Variants in MUSK observed in about 807,000 individuals in gnomAD.
MUSK encodes the protein muscle, skeletal receptor tyrosine-protein kinase.
A neutral mutation model predicts 88.7 loss-of-function variants in MUSK; 55 were observed. The ratio of observed to expected loss-of-function variants is 0.62; its 90% CI spans 0.50 to 0.78. MUSK has a LOEUF of 0.78. Ranked by LOEUF, MUSK falls within the 30% of genes least tolerant of loss-of-function variation. The pLI, the probability that MUSK is intolerant of heterozygous loss-of-function variation, is 0.00. For synonymous variants in MUSK, 387 were observed against 391.9 expected, an observed-to-expected ratio of 0.99 and a Z score of 0.15; for missense variants, 1,015 against 1,074.3, an observed-to-expected ratio of 0.94 and a Z score of 0.77.
intron 3 of MUSK, among the ~76,000 whole-genome samples, chr9:110,688,026 T>A (rs1004884014): frequency 7.2e-5 from 11 of 152,142 alleles, no homozygotes; most frequent in Non-Finnish European, 1.3e-4. Context: ...CCACTTCATG[T>A]CTACAAGACT....
intron 6 of MUSK, among the ~76,000 whole-genome samples, chr9:110,741,754 C>A (rs2077102322): frequency 6.6e-6 from 1 of 152,118 alleles, no homozygotes; most frequent in East Asian, 1.9e-4. Context: ...ATACAGTACA[C>A]AAACAAATGA....
At chr9:110,799,152 G>A (rs1450151151) in intron 14 of MUSK, among the ~76,000 whole-genome samples, 6 of 152,130 alleles carry the variant, frequency 3.9e-5, no homozygotes, top group South Asian at 4.2e-4. Context: ...TGCTAATTGA[G>A]GTCCTTGGAA....
intron 3 of MUSK, among the ~76,000 whole-genome samples, chr9:110,690,449 T>G: frequency 3.6e-5 from 2 of 55,690 alleles, no homozygotes; most frequent in Non-Finnish European, 2.8e-5. Flanking sequence ...TAAGTATATA[T>G]AAATATATAT....
chr9:110,769,185 AAC>A (rs1398044163), intron 9 of MUSK, among the ~76,000 whole-genome samples: 1 of 152,200 alleles, frequency 6.6e-6, no homozygotes, highest in Non-Finnish European at 1.5e-5. Flanking sequence ...GACAACAACC[AAC>A]ACAGCACATT....
At chr9:110,697,533 A>G in intron 5 of MUSK, 67 bp downstream of exon 5, 1 of 1,518,702 alleles carries the variant, frequency 6.6e-7, no homozygotes, top group South Asian at 1.4e-5. Context: ...TGAAGGCTGC[A>G]CCTGGGCTTG....
intron 5 of MUSK, among the ~76,000 whole-genome samples, chr9:110,727,305 G>T (rs943784157): frequency 1.3e-5 from 2 of 152,002 alleles, no homozygotes; most frequent in Non-Finnish European, 2.9e-5. Flanking sequence ...CTGAAAAGGG[G>T]GTTGAATTTC....
intron 5 of MUSK, chr9:110,706,139 G>A (rs890082884): frequency 1.9e-6 from 1 of 526,160 alleles, no homozygotes; most frequent in Non-Finnish European, 3.9e-6. Flanking sequence ...TTCCTTAGCT[G>A]TCCCCAAATA....
At chr9:110,717,956 C>A (rs980711489) in intron 5 of MUSK, among the ~76,000 whole-genome samples, 1 of 152,028 alleles carries the variant, frequency 6.6e-6, no homozygotes, top group Non-Finnish European at 1.5e-5. Context: ...AAACAATAAA[C>A]GATTATCACT....
At position 110,682,690 on chromosome 9, in the gene MUSK, T is replaced by C; in HGVS notation, c.96T>C (p.Thr32=). Residue 32 remains threonine (T), a synonymous_variant, in exon 2 of 15, where the codon ACT becomes ACC. Coordinates refer to ENST00000374448, the MANE Select transcript of MUSK (RefSeq NM_005592.4). ...TCCTTTCAGCTCCTGTCATCACCAC[T>C]CCTCTTGAAACAGTGGATGCCTTAG... is the stretch of plus-strand genomic sequence containing the variant. The part of the protein sequence containing the change: ...EKLPKAPVIT[T]PLETVDALVE... 6.2e-7 allele frequency: 1 copy of C among 1,612,420 alleles called. No individual in the cohort carries two copies. Among genetic ancestry groups the C allele is most frequent in the Non-Finnish European group, 8.5e-7 (1 of 1,178,862 alleles).
In MUSK at chr9:110,802,538, G is replaced by C. The variant is rs924537157; in HGVS notation, c.*1550G>C. Among the ~76,000 whole-genome samples the C allele has an allele frequency of 1.3e-5, 2 of 152,198 alleles. No homozygotes were observed. The highest frequency in any genetic ancestry group is 1.3e-4 in the Admixed American group (2 of 15,284). ...CCAAATCTGCCTCATGTAACAGCTT[G>C]ACATCTTTGGTGGGAAACCTGCCAT... On this transcript the variant is annotated 3_prime_UTR_variant, in exon 15 of 15. Coordinates refer to ENST00000374448, the MANE Select transcript of MUSK (RefSeq NM_005592.4).
At chr9:110,728,319 A>C (rs2076915631) in intron 5 of MUSK, 1 of 208,504 alleles carries the variant, frequency 4.8e-6, no homozygotes, top group Admixed American at 5.7e-5. Flanking sequence ...CTAAGCTACA[A>C]GGGGGGAACG....
chr9:110,692,572 T>C (rs10453229), intron 3 of MUSK, among the ~76,000 whole-genome samples: 107,294 of 151,700 alleles, frequency 0.71, 39,408 homozygotes, highest in African/African-American at 0.89. Flanking sequence ...AAATTTTTCT[T>C]CTCATATTTT....
At chr9:110,789,796 GT>G (rs2132040897) in intron 14 of MUSK, among the ~76,000 whole-genome samples, 1 of 152,172 alleles carries the variant, frequency 6.6e-6, no homozygotes, top group African/African-American at 2.4e-5. Context: ...AAAAAGACGT[GT>G]TTTTTGGCGA....
intron 7 of MUSK, among the ~76,000 whole-genome samples, chr9:110,754,281 G>C (rs2077284258): frequency 6.6e-6 from 1 of 152,170 alleles, no homozygotes; most frequent in African/African-American, 2.4e-5. Flanking sequence ...TATTAGAACA[G>C]TTCTGTTTCA....
intron 2 of MUSK, among the ~76,000 whole-genome samples, chr9:110,684,169 A>C (rs1371006383): frequency 1.3e-5 from 2 of 152,026 alleles, no homozygotes; most frequent in East Asian, 1.9e-4. Flanking sequence ...ATGGAGAGAG[A>C]TAGGGGTCTA....
chr9:110,766,014 C>G (rs909384159), intron 8 of MUSK, among the ~76,000 whole-genome samples: 3 of 152,252 alleles, frequency 2.0e-5, no homozygotes, highest in African/African-American at 7.2e-5. Context: ...TTTTTCTCAG[C>G]CCCTCTGTGC....
At chr9:110,683,428 C>G (rs2076157317) in intron 2 of MUSK, among the ~76,000 whole-genome samples, 1 of 152,096 alleles carries the variant, frequency 6.6e-6, no homozygotes, top group Admixed American at 6.6e-5. Flanking sequence ...GAAAACAGTG[C>G]TGCAACAAAC....
intron 7 of MUSK, among the ~76,000 whole-genome samples, chr9:110,754,260 C>T (rs2077284061): frequency 6.6e-6 from 1 of 152,168 alleles, no homozygotes; most frequent in Admixed American, 6.5e-5. Context: ...TACAATCAGG[C>T]AGCTTTCTTA....
At chr9:110,694,255 G>A (rs1004059383) in intron 3 of MUSK, among the ~76,000 whole-genome samples, 6 of 150,022 alleles carry the variant, frequency 4.0e-5, no homozygotes, top group East Asian at 3.9e-4. Context: ...GTGTGGTGGT[G>A]GGCGCCTGTA....
Sources: allele counts gnomAD v4.1 joint callset (sites outside exome capture counted in the v4.1 genomes callset), GRCh38; gene constraint gnomAD v4.1.1; transcripts MANE v1.5; gene names NCBI Gene and HGNC (gene_info 2026-07-23, HGNC 2026-07-21).